The following CAGE1 variants were observed in gnomAD, a reference collection of about 807,000 sequenced individuals.
The protein encoded by CAGE1 is cancer antigen 1, also known as cancer-associated gene 1 protein.
A neutral mutation model predicts 94.9 loss-of-function variants in CAGE1; 66 were observed. That is an observed-to-expected ratio of 0.70 (90% CI 0.57 to 0.85). The LOEUF is 0.85. Among genes scored for constraint, CAGE1 ranks in the 40% least tolerant of loss-of-function variants. CAGE1 has a pLI of 0.00. For synonymous variants in CAGE1, 319 were observed against 321.0 expected (o/e 0.99, Z 0.07); for missense variants, 865 against 950.4 (o/e 0.91, Z 1.18).
At chr6:7,355,190 G>C (rs1461433411) in intron 10 of CAGE1, 79 bp from the exon 11 acceptor site, 2 of 901,990 alleles carry the variant, frequency 2.2e-6, no homozygotes, top group African/African-American at 3.4e-5. Context: ...ACAAGTTGAA[G>C]CTTAATTATC....
chr6:7,329,188 C>T (rs946851618), intron 13 of CAGE1: 6 of 401,746 alleles, frequency 1.5e-5, no homozygotes, highest in African/African-American at 4.1e-5. Context: ...CCGCCTCGGC[C>T]TCCCAAAGTG....
chr6:7,344,748 C>T (rs907040281), intron 11 of CAGE1, among the ~76,000 whole-genome samples: 1 of 152,246 alleles, frequency 6.6e-6, no homozygotes, highest in Non-Finnish European at 1.5e-5. Flanking sequence ...AATCAGCACT[C>T]TGTATCTAGC....
At position 7,386,995 on chromosome 6, in the gene CAGE1, G is replaced by T. The variant is rs1761143011; in HGVS notation, c.179C>A (p.Thr60Asn). ...SPICMETTGT[T>N]CDLPQNEIKN... ...AATGCACACCTGAGGCAAGTCACAA[G>T]TGGTGCCGGTGGTTTCCATACAGAT... Residue 60 changes from threonine to asparagine, a missense_variant, in exon 2 of 14, where the codon ACT becomes AAT. Thr to Asn is a moderately conservative substitution (Grantham distance 65). Coordinates refer to ENST00000502583, the MANE Select transcript of CAGE1 (RefSeq NM_001170692.2). The T allele has an allele frequency of 6.4e-7, 1 of 1,551,502 alleles. No individual in the cohort carries two copies. Among genetic ancestry groups the T allele is most frequent in the East Asian group, 2.4e-5 (1 of 40,916 alleles).
chr6:7,370,197 C>T, intron 5 of CAGE1, 132 bp from the exon 6 acceptor site: 1 of 527,282 alleles, frequency 1.9e-6, no homozygotes. Flanking sequence ...ATCTTAGGAT[C>T]CCTTTAGAAA....
intron 9 of CAGE1, among the ~76,000 whole-genome samples, chr6:7,356,953 C>G (rs1041957521): frequency 6.6e-6 from 1 of 152,064 alleles, no homozygotes; most frequent in South Asian, 2.1e-4. Flanking sequence ...TGCGCCACCA[C>G]GCCCAGCTAA....
chr6:7,345,530 G>A (rs901645828), intron 11 of CAGE1, among the ~76,000 whole-genome samples: 1 of 152,184 alleles, frequency 6.6e-6, no homozygotes, highest in Non-Finnish European at 1.5e-5. Flanking sequence ...TGCATATACA[G>A]AGTAAGCTAT....
intron 11 of CAGE1, chr6:7,341,136 C>A: frequency 1.8e-6 from 1 of 563,698 alleles, no homozygotes. Context: ...GAGCTTCCCA[C>A]AGCCGGTAGT....
rs1477000581 is a variant in CAGE1 at position 7,373,356 on chromosome 6, T to C, written c.1463A>G (p.Gln488Arg). 4 of 1,613,270 alleles carry C rather than the reference T, an allele frequency of 2.5e-6. No homozygotes were observed. Among genetic ancestry groups the C allele is most frequent in the Non-Finnish European group, 3.4e-6 (4 of 1,179,712 alleles). ...EAQEQEFLSL[Q>R]EEFQKLEKEN... ...CTTTTCAAGTTTCTGGAATTCCTCCTGTAAAGACAAGAACTCTTGTTCTTG... is the reference window on the plus strand; with the variant it reads ...CTTTTCAAGTTTCTGGAATTCCTCCCGTAAAGACAAGAACTCTTGTTCTTG... Residue 488 changes from glutamine (Q) to arginine (R), a missense_variant, in exon 5 of 14, where the codon CAG becomes CGG. Transcript: ENST00000502583.
chr6:7,345,904 G>A (rs1164556575), intron 11 of CAGE1, among the ~76,000 whole-genome samples: 2 of 151,986 alleles, frequency 1.3e-5, no homozygotes, highest in Non-Finnish European at 2.9e-5. Context: ...CAGCCTGGGT[G>A]ACAGAACGAG....
At position 7,373,791 on chromosome 6, in the gene CAGE1, T is replaced by G. The variant is rs1386117409; in HGVS notation, c.1028A>C (p.Lys343Thr). 2 of 1,613,894 alleles carry G rather than the reference T, an allele frequency of 1.2e-6. No homozygotes were observed. The highest frequency in any genetic ancestry group is 1.7e-5 in the Admixed American group (1 of 60,006). The change falls in exon 5 of 14, where the codon AAG (lysine) becomes ACG (threonine). Residue 343 changes from lysine to threonine, a missense_variant. Transcript: ENST00000502583. ...AATGAACACTTGCTGTTTGGTAATCTTCATCTGTAGTTCTTTAACCCTCTT... is the reference window on the plus strand; with the variant it reads ...AATGAACACTTGCTGTTTGGTAATCGTCATCTGTAGTTCTTTAACCCTCTT... Reference protein sequence around the residue: ...LEKRVKELQMKITKQQVFIDV... With the variant: ...LEKRVKELQMTITKQQVFIDV...
At chr6:7,334,890 C>T (rs1758897629) in intron 11 of CAGE1, among the ~76,000 whole-genome samples, 2 of 152,134 alleles carry the variant, frequency 1.3e-5, no homozygotes, top group Non-Finnish European at 2.9e-5. Flanking sequence ...GCTGCTGCAA[C>T]AAATCAACAC....
Position 7,333,737 on chromosome 6 carries a change from C to T in CAGE1, c.2438+285G>A, listed in dbSNP as rs184948595. On this transcript the variant is annotated intron_variant, in intron 12 of 13. Transcript: ENST00000502583. ...ATGCTGGAGTGCAGTGGCACGATCTCGGCTCACTGCAACCTCCGCCTCCCA... is the reference window on the plus strand; with the variant it reads ...ATGCTGGAGTGCAGTGGCACGATCTTGGCTCACTGCAACCTCCGCCTCCCA... 2.6e-3 allele frequency among the ~76,000 whole-genome samples: 392 copies of T among 149,526 alleles called. 2 individuals carry two copies. Among genetic ancestry groups the T allele is most frequent in the African/African-American group, 8.7e-3 (356 of 40,858 alleles).
intron 9 of CAGE1, among the ~76,000 whole-genome samples, chr6:7,357,078 G>A (rs977392733): frequency 1.3e-4 from 20 of 152,204 alleles, no homozygotes; most frequent in African/African-American, 4.8e-4. Context: ...GATTACAGGT[G>A]TGAGCCACCG....
At chr6:7,351,825 C>G (rs1455618559) in intron 11 of CAGE1, among the ~76,000 whole-genome samples, 1 of 152,130 alleles carries the variant, frequency 6.6e-6, no homozygotes, top group Non-Finnish European at 1.5e-5. Flanking sequence ...TTGACAAAAT[C>G]TAGCATCCCT....
chr6:7,383,543 T>C (rs367592264), intron 3 of CAGE1, among the ~76,000 whole-genome samples: 34 of 152,350 alleles, frequency 2.2e-4, no homozygotes, highest in African/African-American at 7.5e-4. Flanking sequence ...TTGTCTTTTA[T>C]TTATCCCACT....
intron 11 of CAGE1, among the ~76,000 whole-genome samples, chr6:7,335,084 C>G (rs969814189): frequency 6.6e-6 from 1 of 152,166 alleles, no homozygotes; most frequent in African/African-American, 2.4e-5. Context: ...GGGCTTGGCC[C>G]CACATCACAC....
rs546632661 is a variant in CAGE1, at chr6:7,367,765, T to C, written c.2004+923A>G. Among the ~76,000 whole-genome samples, 5 of 152,292 alleles carry C rather than the reference T, an allele frequency of 3.3e-5. No homozygotes were observed. In the East Asian group the frequency reaches 7.7e-4, roughly 23 times the overall value. On this transcript the variant is annotated intron_variant, in intron 7 of 13. Transcript: ENST00000502583. The stretch of plus-strand genomic sequence containing the variant: ...GTTCAGATAAGTGTTACAGAATGAA[T>C]TTGTTATGATCCAAGATTCCAGGTT...
intron 4 of CAGE1, among the ~76,000 whole-genome samples, chr6:7,376,389 AAAATAAATAAATAAATAAAT>A (rs200068860): frequency 2.1e-5 from 3 of 141,596 alleles, no homozygotes; most frequent in African/African-American, 2.6e-5. Context: ...ACTCCATCTC[AAAATAAATAAATAAATAAAT>A]AAATAAATAA....
At chr6:7,364,465 TTTTGTTTG>T (rs542853858) in intron 9 of CAGE1, among the ~76,000 whole-genome samples, 1 of 152,100 alleles carries the variant, frequency 6.6e-6, no homozygotes, top group East Asian at 1.9e-4. Context: ...ATTACTGGTT[TTTTGTTTG>T]TTTGTTTGTT....
Sources: gnomAD v4.1 joint callset for allele counts (sites outside exome capture counted in the v4.1 genomes callset) on GRCh38, gnomAD v4.1.1 for gene constraint, MANE v1.5 for transcripts, NCBI Gene and HGNC (gene_info 2026-07-23, HGNC 2026-07-21) for gene names.